The following SPON1 variants were observed in gnomAD, a reference collection of about 807,000 sequenced individuals.
The protein encoded by SPON1 is spondin 1.
Under a neutral mutation model 111.7 loss-of-function variants are expected in SPON1, and 52 were observed. That is an observed-to-expected ratio of 0.47 (90% CI 0.37 to 0.59). The LOEUF (loss-of-function observed/expected upper bound fraction) is 0.59, where lower values mean the gene tolerates loss of function less well. Ranked by LOEUF, SPON1 falls within the 20% of genes least tolerant of loss-of-function variation. The probability of loss-of-function intolerance (pLI) is 0.00; values close to 1 mark genes in which losing one functional copy is unlikely to be tolerated. For missense variants in SPON1, 957 were observed against 1,068.5 expected, an observed-to-expected ratio of 0.90 and a Z score of 1.46; for synonymous variants, 410 against 395.8, an observed-to-expected ratio of 1.04 and a Z score of -0.43.
intron 6 of SPON1, among the ~76,000 whole-genome samples, chr11:14,137,328 G>A (rs548683315): frequency 3.9e-5 from 6 of 152,300 alleles, no homozygotes; most frequent in African/African-American, 1.2e-4. Flanking sequence ...CAGCATGGCT[G>A]TGATTGGCTT....
chr11:14,170,245 C>T (rs1365415463), intron 6 of SPON1, among the ~76,000 whole-genome samples: 1 of 152,078 alleles, frequency 6.6e-6, no homozygotes, highest in Non-Finnish European at 1.5e-5. Context: ...GTATTTTCTT[C>T]TCTTTGAAGC....
intron 2 of SPON1, among the ~76,000 whole-genome samples, chr11:13,985,655 A>T (rs1475043771): frequency 2.6e-5 from 4 of 151,842 alleles, no homozygotes; most frequent in African/African-American, 9.7e-5. Flanking sequence ...CTTTATATGC[A>T]TTAGCCTTTT....
intron 3 of SPON1, among the ~76,000 whole-genome samples, chr11:14,053,509 A>G (rs1051684276): frequency 6.6e-6 from 1 of 152,204 alleles, no homozygotes; most frequent in Non-Finnish European, 1.5e-5. Flanking sequence ...ATAATTCCCC[A>G]TTGTATGGAT....
At chr11:14,243,046 G>T (rs1554939856) in intron 6 of SPON1, among the ~76,000 whole-genome samples, 2 of 152,232 alleles carry the variant, frequency 1.3e-5, no homozygotes, top group African/African-American at 4.8e-5. Flanking sequence ...CAGAATCCAG[G>T]CCAGATCTCT....
chr11:14,082,043 G>T (rs1202366131), intron 5 of SPON1, among the ~76,000 whole-genome samples: 1 of 152,060 alleles, frequency 6.6e-6, no homozygotes, highest in Non-Finnish European at 1.5e-5. Context: ...AAGCACGATG[G>T]AAAAATTTCC....
intron 6 of SPON1, among the ~76,000 whole-genome samples, chr11:14,164,654 G>A (rs375403837): frequency 1.3e-5 from 2 of 152,190 alleles, no homozygotes; most frequent in Non-Finnish European, 2.9e-5. Flanking sequence ...GATTCATCAC[G>A]ACAGGGGCAT....
chr11:14,070,655 A>G (rs1402764092), intron 3 of SPON1, among the ~76,000 whole-genome samples: 1 of 152,154 alleles, frequency 6.6e-6, no homozygotes, highest in Non-Finnish European at 1.5e-5. Flanking sequence ...AAGTCATTTC[A>G]TGACCTGATT....
chr11:14,186,957 A>C (rs782321387), intron 6 of SPON1, among the ~76,000 whole-genome samples: 1 of 152,220 alleles, frequency 6.6e-6, no homozygotes. Context: ...TTGCATTGCT[A>C]TAAAGGAATA....
intron 6 of SPON1, among the ~76,000 whole-genome samples, chr11:14,181,033 C>A (rs782031658): frequency 2.0e-5 from 3 of 152,206 alleles, no homozygotes; most frequent in Non-Finnish European, 2.9e-5. Flanking sequence ...GTTGTCAGAA[C>A]TAAACATGGC....
intron 5 of SPON1, among the ~76,000 whole-genome samples, chr11:14,090,874 G>A (rs1849049217): frequency 8.2e-6 from 1 of 121,746 alleles, no homozygotes; most frequent in South Asian, 2.6e-4. Flanking sequence ...GTAGAGCCCA[G>A]TAGCCTGTTT....
chr11:14,131,455 G>T (rs1188849222), intron 5 of SPON1, among the ~76,000 whole-genome samples: 1 of 152,132 alleles, frequency 6.6e-6, no homozygotes, highest in Non-Finnish European at 1.5e-5. Flanking sequence ...TGCCAGTCCT[G>T]CGCCCGGCAA....
intron 6 of SPON1, among the ~76,000 whole-genome samples, chr11:14,156,875 C>A (rs1847854363): frequency 6.6e-6 from 1 of 152,288 alleles, no homozygotes; most frequent in African/African-American, 2.4e-5. Flanking sequence ...ACAACCAAAT[C>A]TCTGAGCACT....
chr11:14,118,637 T>TA lies in SPON1; in HGVS notation c.677-16781dup, dbSNP rs565194307. Reference sequence around the variant, plus strand: ...TATGAACACCAAGAGTCAATACCCCTAATGCTATCAAGGACACTGGATAGG... The same window carrying TA: ...TATGAACACCAAGAGTCAATACCCCTAAATGCTATCAAGGACACTGGATAGG... On this transcript the variant is annotated intron_variant, in intron 5 of 15. Transcript: ENST00000576479. 3.2e-4 allele frequency among the ~76,000 whole-genome samples: 49 copies of TA among 152,298 alleles called. 1 individual carries two copies. Among genetic ancestry groups the TA allele is most frequent in the African/African-American group, 1.1e-3 (46 of 41,556 alleles).
intron 15 of SPON1, 34 bp downstream of exon 15, chr11:14,263,009 C>T (rs1217919511): frequency 1.9e-6 from 3 of 1,603,576 alleles, no homozygotes; most frequent in South Asian, 1.1e-5. Flanking sequence ...GGGTGGTCTC[C>T]AGGACAGGCA....
At chr11:14,065,559 G>A (rs1848826380) in intron 3 of SPON1, among the ~76,000 whole-genome samples, 1 of 152,180 alleles carries the variant, frequency 6.6e-6, no homozygotes. Context: ...AGCATAGTCT[G>A]GAGAGAAAGC....
At position 13,982,850 on chromosome 11, in the gene SPON1, C is replaced by G. The variant is rs1554909849; in HGVS notation, c.242C>G (p.Thr81Arg). 2 of 1,553,376 alleles carry G rather than the reference C, an allele frequency of 1.3e-6. No individual in the cohort carries two copies. The highest frequency in any genetic ancestry group is 1.7e-6 in the Non-Finnish European group (2 of 1,146,090). Residue 81 changes from threonine to arginine, a missense_variant, in exon 2 of 16, where the codon ACA (threonine) becomes AGA (arginine). Transcript: ENST00000576479. ...CTGCTTTTTTCTCTCTCTGCAGTAA[C>G]ACTTTCAGCTGCTCCTCCCTCCTAC... is the stretch of plus-strand genomic sequence containing the variant. Reference protein sequence around the residue: ...FYKPGTSYRVTLSAAPPSYFR... With the variant: ...FYKPGTSYRVRLSAAPPSYFR...
intron 7 of SPON1, 62 bp from the exon 8 acceptor site, chr11:14,254,466 C>A: frequency 7.2e-7 from 1 of 1,392,422 alleles, no homozygotes; most frequent in Non-Finnish European, 9.8e-7. Context: ...AGGCAGATTT[C>A]CCTCAGAGTG....
intron 3 of SPON1, among the ~76,000 whole-genome samples, chr11:14,064,993 TAC>T (rs1554920230): frequency 6.6e-6 from 1 of 152,256 alleles, no homozygotes. Flanking sequence ...ATACTTTCCA[TAC>T]AGTTTTTTCA....
intron 8 of SPON1, among the ~76,000 whole-genome samples, chr11:14,255,281 T>G (rs1849093532): frequency 6.6e-6 from 1 of 152,216 alleles, no homozygotes; most frequent in South Asian, 2.1e-4. Flanking sequence ...CACAATATGG[T>G]TCACAAAGCC....
Sources: allele counts gnomAD v4.1 joint callset (sites outside exome capture counted in the v4.1 genomes callset), GRCh38; gene constraint gnomAD v4.1.1; transcripts MANE v1.5; gene names NCBI Gene and HGNC (gene_info 2026-07-23, HGNC 2026-07-21).